SAMD5: variants seen among roughly 807,000 people sequenced by gnomAD.
The protein encoded by SAMD5 is sterile alpha motif domain containing 5.
A neutral mutation model predicts 11.3 loss-of-function variants in SAMD5; 13 were observed. The ratio of observed to expected loss-of-function variants is 1.15; its 90% CI spans 0.75 to 1.83. The LOEUF (loss-of-function observed/expected upper bound fraction) is 1.83, where lower values mean the gene tolerates loss of function less well. Ranked by LOEUF, SAMD5 falls within the 40% of genes most tolerant of loss-of-function variation. The pLI is 0.00. For synonymous variants in SAMD5, 129 were observed against 111.3 expected, an observed-to-expected ratio of 1.16 and a Z score of -1.00; for missense variants, 255 against 239.1, an observed-to-expected ratio of 1.07 and a Z score of -0.44.
In SAMD5 at chr6:147,697,016, C is replaced by G. The variant is rs1275364812; in HGVS notation, c.163-40301C>G. On this transcript the variant is annotated intron_variant, in intron 1 of 1. Transcript: ENST00000566741. ...ATCAAGGTGTGGGCAGATCCCTTAT[C>G]TGGTGAGGCCCACTTCCTCGTGTGC... Among the ~76,000 whole-genome samples the G allele has an allele frequency of 2.0e-5, 3 of 152,320 alleles. No individual in the cohort carries two copies. The East Asian group carries it at 5.8e-4, about 29-fold the overall frequency.
intron 1 of SAMD5, among the ~76,000 whole-genome samples, chr6:147,672,364 T>C (rs1790806926): frequency 6.6e-6 from 1 of 152,162 alleles, no homozygotes; most frequent in African/African-American, 2.4e-5. Context: ...AAAGTATATA[T>C]TGTGGTAAAT....
intron 1 of SAMD5, among the ~76,000 whole-genome samples, chr6:147,703,680 A>T (rs1231672208): frequency 6.6e-6 from 1 of 152,184 alleles, no homozygotes; most frequent in African/African-American, 2.4e-5. Context: ...GGCCAAAAAT[A>T]TCCAAGACAA....
At chr6:147,722,809 AAC>A (rs1384298165) in intron 1 of SAMD5, among the ~76,000 whole-genome samples, 1 of 152,214 alleles carries the variant, frequency 6.6e-6, no homozygotes, top group Non-Finnish European at 1.5e-5. Context: ...CCTAGAAATG[AAC>A]ACACTTCTTG....
At chr6:147,516,217 A>G (rs1419946782) in intron 1 of SAMD5, among the ~76,000 whole-genome samples, 1 of 152,240 alleles carries the variant, frequency 6.6e-6, no homozygotes, top group East Asian at 1.9e-4. Context: ...CCTCAAGAGC[A>G]ATGTGCTGAG....
At chr6:147,669,264 T>A (rs749193284) in intron 1 of SAMD5, among the ~76,000 whole-genome samples, 1 of 152,166 alleles carries the variant, frequency 6.6e-6, no homozygotes, top group Non-Finnish European at 1.5e-5. Context: ...TCTAAATCCT[T>A]TGTTGTCATT....
chr6:147,526,519 A>G (rs918082380), intron 1 of SAMD5, among the ~76,000 whole-genome samples: 1 of 152,232 alleles, frequency 6.6e-6, no homozygotes, highest in African/African-American at 2.4e-5. Flanking sequence ...CACCAAGGAG[A>G]GAACTATTCA....
the SAMD5 span, among the ~76,000 whole-genome samples, chr6:147,788,016 T>C: frequency 5.3e-5 from 8 of 152,194 alleles, no homozygotes; most frequent in Non-Finnish European, 8.8e-5. Flanking sequence ...TTTCTTTTAA[T>C]GTGAGACAGT....
chr6:147,610,835 A>G (rs1376769274), intron 1 of SAMD5, among the ~76,000 whole-genome samples: 1 of 151,240 alleles, frequency 6.6e-6, no homozygotes, highest in East Asian at 2.0e-4. Context: ...AGAGAGATTG[A>G]TGCGGATAAA....
chr6:147,745,614 G>C, the SAMD5 span, among the ~76,000 whole-genome samples: 7 of 152,058 alleles, frequency 4.6e-5, no homozygotes, highest in African/African-American at 7.2e-5. Flanking sequence ...AACCAGGAGA[G>C]TGCCATTCTC....
rs537804444 is a variant in SAMD5 at position 147,697,235 on chromosome 6, A to G, written c.163-40082A>G. ...AGGGTTTAATCGGGCGCTGCAGCCA[A>G]GGAGATGGGAGCTCAGTCTCAAATC... is the stretch of plus-strand genomic sequence containing the variant. On this transcript the variant is annotated intron_variant, in intron 1 of 1. Coordinates refer to the SAMD5 transcript ENST00000566741. Among the ~76,000 whole-genome samples, 8 of 152,358 alleles carry G rather than the reference A, an allele frequency of 5.3e-5. No homozygotes were observed. The South Asian group carries it at 1.4e-3, about 28-fold the overall frequency.
chr6:147,901,737 T>C, the SAMD5 span, among the ~76,000 whole-genome samples: 672 of 152,324 alleles, frequency 4.4e-3, 3 homozygotes, highest in African/African-American at 0.015. Context: ...ATTCATTCCA[T>C]AGGCAGCACT....
chr6:147,925,369 A>G, the SAMD5 span, among the ~76,000 whole-genome samples: 1 of 152,168 alleles, frequency 6.6e-6, no homozygotes, highest in Non-Finnish European at 1.5e-5. Flanking sequence ...TGTGAGAAAT[A>G]CATTTCTGTT....
intron 1 of SAMD5, among the ~76,000 whole-genome samples, chr6:147,612,860 A>G (rs559418721): frequency 1.3e-5 from 2 of 152,074 alleles, no homozygotes; most frequent in South Asian, 4.2e-4. Context: ...CTTCCCTCTA[A>G]CTCTGTTTTC....
At chr6:147,513,570 A>G (rs1012787195) in intron 1 of SAMD5, among the ~76,000 whole-genome samples, 1 of 152,200 alleles carries the variant, frequency 6.6e-6, no homozygotes. Flanking sequence ...AGCTGTGACT[A>G]CAGATGAGCA....
At chr6:147,787,623 C>T in the SAMD5 span, among the ~76,000 whole-genome samples, 1 of 152,144 alleles carries the variant, frequency 6.6e-6, no homozygotes, top group Non-Finnish European at 1.5e-5. Context: ...TGGCAGCAAA[C>T]AGAGAGCAAT....
chr6:147,835,232 T>TAAAAAAAAA, the SAMD5 span, among the ~76,000 whole-genome samples: 11 of 113,494 alleles, frequency 9.7e-5, no homozygotes, highest in South Asian at 3.0e-4. Context: ...GACTCCATCT[T>TAAAAAAAAA]AAAAAAAAAA....
the SAMD5 span, among the ~76,000 whole-genome samples, chr6:147,803,514 G>T: frequency 6.6e-6 from 1 of 152,060 alleles, no homozygotes; most frequent in Non-Finnish European, 1.5e-5. Flanking sequence ...ACCTTCAGTG[G>T]TTCCCACTGT....
At chr6:147,734,288 A>G (rs1457187689) in intron 1 of SAMD5, among the ~76,000 whole-genome samples, 1 of 152,226 alleles carries the variant, frequency 6.6e-6, no homozygotes, top group Non-Finnish European at 1.5e-5. Context: ...AGATTCCTGT[A>G]AAGTCTGTTG....
chr6:147,578,767 A>G (rs1789254006), intron 1 of SAMD5, among the ~76,000 whole-genome samples: 1 of 147,048 alleles, frequency 6.8e-6, no homozygotes, highest in Non-Finnish European at 1.5e-5. Context: ...TTCATACAGA[A>G]CATCAAAAGT....
Sources: gnomAD v4.1 joint callset for allele counts (sites outside exome capture counted in the v4.1 genomes callset) on GRCh38, gnomAD v4.1.1 for gene constraint, MANE v1.5 for transcripts, NCBI Gene and HGNC (gene_info 2026-07-23, HGNC 2026-07-21) for gene names.